Variants in CFAP74 observed in about 807,000 individuals in gnomAD.
The protein encoded by CFAP74 is cilia and flagella associated protein 74.
CFAP74 carries 124 observed loss-of-function variants against 188.9 expected under a neutral mutation model. That is an observed-to-expected ratio of 0.66 (90% CI 0.57 to 0.76). The LOEUF is 0.76. Ranked by LOEUF, CFAP74 falls within the 30% of genes least tolerant of loss-of-function variation. The pLI is 0.00. For missense variants in CFAP74, 2,198 were observed against 2,165.2 expected (o/e 1.02, Z -0.30); for synonymous variants, 956 against 916.7 (o/e 1.04, Z -0.77).
chr1:1,965,530 C>T (rs1655408219), intron 12 of CFAP74, among the ~76,000 whole-genome samples: 1 of 152,196 alleles, frequency 6.6e-6, no homozygotes, highest in African/African-American at 2.4e-5. Context: ...AAGATCAGAA[C>T]TGGAGTCCTG....
chr1:1,989,879 G>A (rs72896713), intron 2 of CFAP74, among the ~76,000 whole-genome samples: 3,274 of 152,302 alleles, frequency 0.021, 121 homozygotes, highest in African/African-American at 0.074. Context: ...GGAACCCTGA[G>A]GGTCCCTTAG....
At chr1:1,954,975 C>T (rs1570903041) in intron 18 of CFAP74, 3 of 1,176,934 alleles carry the variant, frequency 2.5e-6, no homozygotes, top group Non-Finnish European at 3.2e-6. Context: ...ATCTAGAACC[C>T]GAGGCTCTCT....
intron 10 of CFAP74, among the ~76,000 whole-genome samples, chr1:1,969,604 T>C (rs1655782565): frequency 6.6e-6 from 1 of 152,204 alleles, no homozygotes; most frequent in South Asian, 2.1e-4. Flanking sequence ...GGGCTAAAGA[T>C]GTTCATCCAC....
chr1:1,993,107 C>G (rs28674034), intron 1 of CFAP74, among the ~76,000 whole-genome samples: 1 of 148,594 alleles, frequency 6.7e-6, no homozygotes, highest in Non-Finnish European at 1.5e-5. Flanking sequence ...AGGCTGAGGC[C>G]CGAGAATTGC....
intron 18 of CFAP74, chr1:1,954,729 GC>G: frequency 1.1e-6 from 1 of 933,184 alleles, no homozygotes; most frequent in South Asian, 3.0e-5. Flanking sequence ...GCTGCAGTGA[GC>G]TGTGACTGCA....
intron 6 of CFAP74, among the ~76,000 whole-genome samples, chr1:1,978,242 G>C (rs181487474): frequency 2.6e-5 from 4 of 152,182 alleles, no homozygotes; most frequent in African/African-American, 9.6e-5. Flanking sequence ...TGAAAGCACC[G>C]AGGGGCACTC....
intron 6 of CFAP74, among the ~76,000 whole-genome samples, chr1:1,982,739 G>A (rs1656987593): frequency 1.3e-5 from 2 of 152,364 alleles, no homozygotes; most frequent in Admixed American, 6.5e-5. Context: ...GGCCGCCTGC[G>A]GGTAGGGATG....
rs199546576 is a variant in CFAP74, at chr1:1,971,350, CAT to C, written c.889-536_889-535del. Among the ~76,000 whole-genome samples the C allele has an allele frequency of 6.7e-3, 1,012 of 152,010 alleles. 10 individuals are homozygous for C. Among genetic ancestry groups the C allele is most frequent in the African/African-American group, 0.023 (938 of 41,342 alleles). On this transcript the variant is annotated intron_variant, in intron 9 of 38. Coordinates refer to ENST00000682832, the MANE Select transcript of CFAP74 (RefSeq NM_001304360.2). The stretch of plus-strand genomic sequence containing the variant: ...GCACACCTGCACACACGTGCACACA[CAT>C]GCACACCTGCACACACACGGTCACA...
At chr1:1,978,951 C>T (rs1034301687) in intron 6 of CFAP74, among the ~76,000 whole-genome samples, 20 of 149,460 alleles carry the variant, frequency 1.3e-4, no homozygotes, top group African/African-American at 4.0e-4. Context: ...GCACAGAACA[C>T]GTGTGTCGTG....
At position 1,925,924 on chromosome 1, in the gene CFAP74, C is replaced by T. The variant is rs370927370; in HGVS notation, c.3963G>A (p.Leu1321=). The T allele has an allele frequency of 1.4e-4, 231 of 1,609,492 alleles. No homozygotes were observed. The highest frequency in any genetic ancestry group is 1.9e-4 in the Non-Finnish European group (226 of 1,178,480). Residue 1321 remains leucine, a synonymous_variant, in exon 33 of 39, where the codon CTG becomes CTA. Coordinates refer to ENST00000682832, the MANE Select transcript of CFAP74 (RefSeq NM_001304360.2). ...PHESILAQET[L]DIITKRGTLT... is the part of the protein sequence containing the mutation. ...GCGTGCCTCTCTTGGTGATGATGTC[C>T]AGTGTTTCTTGAGCCTAAAGAGACC... is the stretch of plus-strand genomic sequence containing the variant.
intron 1 of CFAP74, among the ~76,000 whole-genome samples, chr1:1,996,066 C>A (rs71630954): frequency 3.3e-5 from 5 of 152,040 alleles, no homozygotes; most frequent in Non-Finnish European, 7.4e-5. Flanking sequence ...CTCACTGCAA[C>A]CTCTGCCTCC....
Position 1,923,100 on chromosome 1 carries a change from C to T in CFAP74, c.4568G>A (p.Arg1523Lys). The T allele has an allele frequency of 6.2e-7, 1 of 1,608,588 alleles. No individual in the cohort carries two copies. ...GPLSPEAEEL[R>K]PILVTLDYIQ... ...GTAGTCCAGGGTCACCAGGATGGGC[C>T]TCAGCTCCTCAGCTTCTGGAGAGAG... is the stretch of plus-strand genomic sequence containing the variant. The change falls in exon 37 of 39, where the codon AGG becomes AAG. Residue 1523 changes from arginine to lysine, a missense_variant. Physicochemically the swap from Arg to Lys is conservative, Grantham distance 26. Coordinates refer to ENST00000682832, the MANE Select transcript of CFAP74 (RefSeq NM_001304360.2). This position sits in a 1 kb window ranked among gnomAD's most constrained non-coding sequence, Gnocchi z 6.3.
At chr1:2,003,515 A>G (rs1658302962) in intron 1 of CFAP74, among the ~76,000 whole-genome samples, 186 bp downstream of exon 1, 5 of 152,172 alleles carry the variant, frequency 3.3e-5, no homozygotes, top group Admixed American at 6.5e-5. Context: ...GGGTCCCTCA[A>G]CAGAGGCTGT....
intron 18 of CFAP74, chr1:1,955,351 A>C (rs376497224): frequency 4.5e-6 from 6 of 1,327,842 alleles, no homozygotes; most frequent in Non-Finnish European, 5.9e-6. Flanking sequence ...ACAGCTGCAG[A>C]GCTAGACAGA....
At chr1:1,934,615 T>G (rs2102039189) in intron 25 of CFAP74, among the ~76,000 whole-genome samples, 1 of 148,674 alleles carries the variant, frequency 6.7e-6, no homozygotes, top group Non-Finnish European at 1.5e-5. Context: ...GTGTGTGTGT[T>G]AGGTTGTAGG....
Position 1,959,149 on chromosome 1 carries a change from G to A in CFAP74, c.1822C>T (p.Pro608Ser), listed in dbSNP as rs1654880054. 6.2e-7 allele frequency: 1 copy of A among 1,612,236 alleles called. No homozygotes were observed. Among genetic ancestry groups the A allele is most frequent in the Non-Finnish European group, 8.5e-7 (1 of 1,178,702 alleles). Residue 608 changes from proline (P) to serine (S), a missense_variant, in exon 16 of 39, where the codon CCA becomes TCA. Physicochemically the swap from Pro to Ser is moderately conservative, Grantham distance 74 (BLOSUM62 -1). Transcript: ENST00000682832. The stretch of plus-strand genomic sequence containing the variant: ...CATTTCTTTGTTGAACATTTCAGTG[G>A]AACTGAAAACTCGCCCGTCTGAGCC... ...FLAQTGEFSVPLKCSTKKCSL... is the reference protein window; with the variant it reads ...FLAQTGEFSVSLKCSTKKCSL...
At position 1,946,331 on chromosome 1, in the gene CFAP74, G is replaced by T. The variant is rs1194253565; in HGVS notation, c.2350C>A (p.Pro784Thr). 31 of 1,536,048 alleles carry T rather than the reference G, an allele frequency of 2.0e-5. No homozygotes were observed. Among genetic ancestry groups the T allele is most frequent in the Non-Finnish European group, 2.6e-5 (30 of 1,146,682 alleles). ...GGAATACTCACCGTGGGGCACTGGG[G>T]GTTCTTAAACGTGACTTTGAACCTG... ...QARFKVTFKN[P>T]QCPTLHFRVV... The change falls in exon 20 of 39, where the codon CCC becomes ACC. Residue 784 changes from proline (P) to threonine (T), a missense_variant. Transcript: ENST00000682832.
Position 1,993,919 on chromosome 1 carries a change from T to C in CFAP74, c.-19-2944A>G, listed in dbSNP as rs182692984. 6.0e-3 allele frequency among the ~76,000 whole-genome samples: 901 copies of C among 149,954 alleles called. 5 individuals carry two copies. The highest frequency in any genetic ancestry group is 8.8e-3 in the Non-Finnish European group (596 of 67,474). The stretch of plus-strand genomic sequence containing the variant: ...ATGGCGTGAACCCGGGAGGCGGAGC[T>C]TGCAGTGAGCCGAGATCACACCACT... On this transcript the variant is annotated intron_variant, in intron 1 of 38. Transcript: ENST00000682832.
chr1:2,003,188 AAT>A (rs1658287475), intron 1 of CFAP74, among the ~76,000 whole-genome samples: 3 of 152,300 alleles, frequency 2.0e-5, no homozygotes, highest in Middle Eastern at 6.8e-3. Context: ...TTATGCAGAG[AAT>A]ATCAGTCCAT....
Sources: allele counts gnomAD v4.1 joint callset (sites outside exome capture counted in the v4.1 genomes callset), GRCh38; gene constraint gnomAD v4.1.1; non-coding constraint Gnocchi (gnomAD v3.1); transcripts MANE v1.5; gene names NCBI Gene and HGNC (gene_info 2026-07-23, HGNC 2026-07-21).